SNX31: variants seen among roughly 807,000 people sequenced by gnomAD.
SNX31 encodes the protein sorting nexin 31, also known as sorting nexin-31.
Under a neutral mutation model 65.4 loss-of-function variants are expected in SNX31, and 58 were observed. The observed-to-expected ratio is 0.89, with a 90% CI of 0.72 to 1.10. The LOEUF is 1.10. Ranked by LOEUF, SNX31 falls within the 50% of genes least tolerant of loss-of-function variation. SNX31 has a pLI of 0.00. For synonymous variants in SNX31, 181 were observed against 190.1 expected (o/e 0.95, Z 0.39); for missense variants, 523 against 529.7 (o/e 0.99, Z 0.12).
intron 3 of SNX31, among the ~76,000 whole-genome samples, chr8:100,633,566 G>A (rs1818554364): frequency 6.6e-6 from 1 of 152,056 alleles, no homozygotes. Context: ...ACCATGGTCA[G>A]CTAATTTTTT....
At position 100,613,313 on chromosome 8, in the gene SNX31, A is replaced by C. The variant is rs1377562175; in HGVS notation, c.433-228T>G. ...GAAAATAAAAATCAGCCCCACCACA[A>C]TGGACAGAGGCTGGCCCCAAGTTGA... On this transcript the variant is annotated intron_variant, in intron 5 of 13. Transcript: ENST00000311812. This position sits in a 1 kb window ranked among gnomAD's most constrained non-coding sequence, Gnocchi z 5.2. Among the ~76,000 whole-genome samples the C allele has an allele frequency of 2.0e-5, 3 of 152,196 alleles. No individual in the cohort carries two copies. In the East Asian group the frequency reaches 5.8e-4, roughly 29 times the overall value.
chr8:100,628,690 T>G (rs568311169), intron 4 of SNX31, among the ~76,000 whole-genome samples: 1 of 152,040 alleles, frequency 6.6e-6, no homozygotes, highest in Non-Finnish European at 1.5e-5. Context: ...TGTCTACATA[T>G]GTAACAAACC....
In SNX31 at chr8:100,578,823, G is replaced by A. The variant is rs745700937; in HGVS notation, c.1171-1748C>T. On this transcript the variant is annotated intron_variant, in intron 12 of 13. Coordinates refer to ENST00000311812, the MANE Select transcript of SNX31 (RefSeq NM_152628.4). This position sits in a 1 kb window ranked among gnomAD's most constrained non-coding sequence, Gnocchi z 4.7. ...TGCAACCTCCACCTCCTGGATTCAA[G>A]CGATTCTCCAGCCTCAGTCTCCCAA... Among the ~76,000 whole-genome samples, 14 of 151,852 alleles carry A rather than the reference G, an allele frequency of 9.2e-5. No individual in the cohort carries two copies. Among genetic ancestry groups the A allele is most frequent in the Admixed American group, 9.2e-4 (14 of 15,230 alleles).
At chr8:100,646,698 C>T (rs7815631) in intron 2 of SNX31, among the ~76,000 whole-genome samples, 9,997 of 152,134 alleles carry the variant, frequency 0.066, 453 homozygotes, top group Non-Finnish European at 0.095. Flanking sequence ...ATTTTAACCT[C>T]GATCATGGTG....
At chr8:100,618,014 C>A (rs1237017909) in intron 4 of SNX31, 1 of 921,636 alleles carries the variant, frequency 1.1e-6, no homozygotes, top group Non-Finnish European at 1.3e-6. Flanking sequence ...GATCCACCCT[C>A]CTTGGCCTCC....
chr8:100,581,118 A>G (rs1264240967), intron 12 of SNX31, among the ~76,000 whole-genome samples: 3 of 147,042 alleles, frequency 2.0e-5, no homozygotes, highest in Non-Finnish European at 4.5e-5. Flanking sequence ...AAACACAGGG[A>G]GACCTTACCT....
At chr8:100,596,605 A>G (rs1314933278) in intron 10 of SNX31, 34 bp downstream of exon 10, 1 of 1,587,796 alleles carries the variant, frequency 6.3e-7, no homozygotes. Flanking sequence ...AGGATTTTTA[A>G]GTCATGGGCA....
intron 11 of SNX31, among the ~76,000 whole-genome samples, chr8:100,584,699 G>A (rs1488298385): frequency 6.6e-6 from 1 of 150,744 alleles, no homozygotes; most frequent in Non-Finnish European, 1.5e-5. Context: ...TGAAAAAAAA[G>A]ATCAGCTGTT....
At chr8:100,607,089 A>T (rs1455296061) in intron 8 of SNX31, among the ~76,000 whole-genome samples, 1 of 152,226 alleles carries the variant, frequency 6.6e-6, no homozygotes, top group East Asian at 1.9e-4. Flanking sequence ...CTACGGAGGA[A>T]AAAGAACAAG....
intron 2 of SNX31, among the ~76,000 whole-genome samples, 185 bp downstream of exon 2, chr8:100,649,089 T>A (rs1319625802): frequency 2.6e-5 from 4 of 152,234 alleles, no homozygotes; most frequent in Non-Finnish European, 5.9e-5. Context: ...AGCCGCAGCA[T>A]GCATTCATCC....
At chr8:100,599,485 C>G (rs1815412769) in intron 9 of SNX31, among the ~76,000 whole-genome samples, 1 of 150,402 alleles carries the variant, frequency 6.6e-6, no homozygotes, top group African/African-American at 2.5e-5. Flanking sequence ...AGGTAGAACA[C>G]TGGGCTGGCA....
intron 2 of SNX31, among the ~76,000 whole-genome samples, chr8:100,640,124 T>C (rs1705005891): frequency 6.6e-6 from 1 of 152,072 alleles, no homozygotes; most frequent in Non-Finnish European, 1.5e-5. Flanking sequence ...TAATTTCTTT[T>C]CTTTTCTTTT....
chr8:100,591,834 A>G (rs1814616699), intron 10 of SNX31, among the ~76,000 whole-genome samples: 2 of 152,218 alleles, frequency 1.3e-5, no homozygotes, highest in Non-Finnish European at 2.9e-5. Context: ...GCCTCTTAAA[A>G]ATAAAAATAA....
chr8:100,662,209 A>G (rs1809799391), intron 1 of SNX31, among the ~76,000 whole-genome samples: 1 of 152,182 alleles, frequency 6.6e-6, no homozygotes, highest in South Asian at 2.1e-4. Context: ...AAACTCCATG[A>G]TTGAGAAAAC....
At chr8:100,606,672 T>A (rs143206836) in intron 8 of SNX31, among the ~76,000 whole-genome samples, 1 of 152,334 alleles carries the variant, frequency 6.6e-6, no homozygotes, top group East Asian at 1.9e-4. Flanking sequence ...CTCTCTCTCC[T>A]GAGTTTATAA....
At chr8:100,596,483 A>C (rs1302538041) in intron 10 of SNX31, among the ~76,000 whole-genome samples, 156 bp downstream of exon 10, 1 of 152,136 alleles carries the variant, frequency 6.6e-6, no homozygotes, top group Non-Finnish European at 1.5e-5. Flanking sequence ...GACTACAGAT[A>C]GGTTTTACCA....
chr8:100,626,820 T>C lies in SNX31; in HGVS notation c.321+3507A>G, dbSNP rs1818072269. Among the ~76,000 whole-genome samples, 1 of 151,838 alleles carries C rather than the reference T, an allele frequency of 6.6e-6. No individual in the cohort carries two copies. The highest frequency in any genetic ancestry group is 1.5e-5 in the Non-Finnish European group (1 of 67,968). On this transcript the variant is annotated intron_variant, in intron 4 of 13. Transcript: ENST00000311812. The surrounding 1 kb of genome is among the most constrained non-coding windows in gnomAD (Gnocchi z 4.4). ...GTTTCTGAATGAAGACCTCAAAGAA[T>C]AGATAAAAGCCTCAAGAAATAAGAT...
intron 3 of SNX31, among the ~76,000 whole-genome samples, chr8:100,631,147 A>G (rs933332500): frequency 6.6e-6 from 1 of 152,170 alleles, no homozygotes; most frequent in Non-Finnish European, 1.5e-5. Flanking sequence ...AGCAATGATA[A>G]GGCAGTCAGA....
chr8:100,573,973 CAGAG>C lies in SNX31; in HGVS notation c.1228-17_1228-14del. The C allele has an allele frequency of 1.4e-6, 2 of 1,401,390 alleles. No individual in the cohort carries two copies. The highest frequency in any genetic ancestry group is 2.0e-6 in the Non-Finnish European group (2 of 1,018,498). The allele number at this position is 1,401,390 out of a possible 1,614,324, so 86.8% of individuals were successfully genotyped here. On this transcript the variant is annotated splice_polypyrimidine_tract_variant and intron_variant, in intron 13 of 13. Coordinates refer to ENST00000311812, the MANE Select transcript of SNX31 (RefSeq NM_152628.4). ...AATAGTCTTTCTGCTGTGAAGTAAACAGAGAGGTCAGAAATGTAAATGAAAGGAA... is the reference window on the plus strand; with the variant it reads ...AATAGTCTTTCTGCTGTGAAGTAAACAGGTCAGAAATGTAAATGAAAGGAA...
Sources: allele counts gnomAD v4.1 joint callset (sites outside exome capture counted in the v4.1 genomes callset), GRCh38; gene constraint gnomAD v4.1.1; non-coding constraint Gnocchi (gnomAD v3.1); transcripts MANE v1.5; gene names NCBI Gene and HGNC (gene_info 2026-07-23, HGNC 2026-07-21).